PKIA: variants seen among roughly 807,000 people sequenced by gnomAD.
PKIA encodes the protein cAMP-dependent protein kinase inhibitor alpha.
In PKIA, 4 loss-of-function variants were observed where a neutral mutation model predicts 7.6. The ratio of observed to expected loss-of-function variants is 0.52; its 90% CI spans 0.26 to 1.20. PKIA has a LOEUF of 1.20. Among genes scored for constraint, PKIA ranks in the 50% most tolerant of loss-of-function variants. The pLI is 0.13. For synonymous variants in PKIA, 21 were observed against 30.7 expected (o/e 0.68, Z 1.04); for missense variants, 73 against 86.2 (o/e 0.85, Z 0.61).
chr8:78,518,519 A>G (rs1585860662), intron 1 of PKIA, among the ~76,000 whole-genome samples: 1 of 152,234 alleles, frequency 6.6e-6, no homozygotes, highest in Non-Finnish European at 1.5e-5. Flanking sequence ...AACCTAAGGT[A>G]TATGAAATAC....
At position 78,550,133 on chromosome 8, in the gene PKIA, AT is replaced by A. The variant is rs1243569325; in HGVS notation, c.-156-22676del. Among the ~76,000 whole-genome samples, 7 of 152,250 alleles carry A rather than the reference AT, an allele frequency of 4.6e-5. No homozygotes were observed. In the South Asian group the frequency reaches 6.2e-4, roughly 14 times the overall value. Reference sequence around the variant, plus strand: ...CAATAGGGGAGAAAGACTGAACTCAATTCTGCTGAAATAAAAGGGAGGCAAG... The same window carrying A: ...CAATAGGGGAGAAAGACTGAACTCAATCTGCTGAAATAAAAGGGAGGCAAG... On this transcript the variant is annotated intron_variant, in intron 1 of 3. Coordinates refer to ENST00000396418, the MANE Select transcript of PKIA (RefSeq NM_006823.4).
chr8:78,574,303 TATACA>T (rs1807625281), intron 2 of PKIA, among the ~76,000 whole-genome samples: 1 of 152,010 alleles, frequency 6.6e-6, no homozygotes, highest in Non-Finnish European at 1.5e-5. Context: ...TATGTTGAAA[TATACA>T]ATACATTGCT....
intron 1 of PKIA, among the ~76,000 whole-genome samples, chr8:78,519,240 AT>A (rs938296993): frequency 6.6e-6 from 1 of 152,106 alleles, no homozygotes; most frequent in African/African-American, 2.4e-5. Flanking sequence ...GAGAGTAAAA[AT>A]TTAGGAGTTA....
At chr8:78,587,578 A>G (rs534190803) in intron 2 of PKIA, among the ~76,000 whole-genome samples, 1 of 152,322 alleles carries the variant, frequency 6.6e-6, no homozygotes, top group Non-Finnish European at 1.5e-5. Flanking sequence ...AATATTAAAT[A>G]TATGATATAA....
chr8:78,597,179 T>C (rs1158473789), intron 2 of PKIA, among the ~76,000 whole-genome samples: 1 of 152,162 alleles, frequency 6.6e-6, no homozygotes, highest in Non-Finnish European at 1.5e-5. Context: ...TTTTTGGTTC[T>C]TTACGAATTT....
chr8:78,567,133 A>C (rs1467961422), intron 1 of PKIA, among the ~76,000 whole-genome samples: 1 of 152,188 alleles, frequency 6.6e-6, no homozygotes, highest in Non-Finnish European at 1.5e-5. Flanking sequence ...AGTATATTAT[A>C]GAGATTTCTC....
chr8:78,557,798 G>C (rs926643545), intron 1 of PKIA, among the ~76,000 whole-genome samples: 8 of 152,172 alleles, frequency 5.3e-5, no homozygotes, highest in African/African-American at 1.9e-4. Flanking sequence ...ACCTGGCAGA[G>C]ACATAGTTTT....
At chr8:78,574,256 C>G (rs763167073) in intron 2 of PKIA, among the ~76,000 whole-genome samples, 29 of 151,900 alleles carry the variant, frequency 1.9e-4, no homozygotes, top group Non-Finnish European at 3.8e-4. Flanking sequence ...TTTATTATTT[C>G]TTTGTGGGGA....
intron 1 of PKIA, chr8:78,535,813 T>G (rs1425500731): frequency 6.6e-6 from 1 of 152,116 alleles, no homozygotes; most frequent in Non-Finnish European, 1.5e-5. Context: ...TACTTTGAAT[T>G]AGGAATTACA....
chr8:78,583,680 T>C (rs754373472), intron 2 of PKIA, among the ~76,000 whole-genome samples: 30 of 152,076 alleles, frequency 2.0e-4, no homozygotes, highest in Non-Finnish European at 4.1e-4. Flanking sequence ...GAGGAGATTA[T>C]AGTTGGAGAC....
rs1554584766 is a variant in PKIA at position 78,602,713 on chromosome 8, A to ATATATATATATATATATATATATTTTTT, written c.*893_*894insATATATATATATATATATATATTTTTTT. The ATATATATATATATATATATATATTTTTT allele has an allele frequency of 6.8e-6, 1 of 147,894 alleles. No homozygotes were observed. The highest frequency in any genetic ancestry group is 2.5e-5 in the African/African-American group (1 of 39,958). The allele number at this position is 147,894 out of a possible 1,614,324, so 9.2% of individuals were successfully genotyped here. ...CCACATAATATATATATATATATATATTTTAATTTATGAGAATTTTGGACA... is the reference window on the plus strand; with the variant it reads ...CCACATAATATATATATATATATATATATATATATATATATATATATATTTTTTTTTTAATTTATGAGAATTTTGGACA... On this transcript the variant is annotated 3_prime_UTR_variant, in exon 4 of 4. Transcript: ENST00000396418.
intron 1 of PKIA, among the ~76,000 whole-genome samples, chr8:78,549,277 T>C (rs946248277): frequency 7.9e-5 from 12 of 151,928 alleles, no homozygotes; most frequent in Non-Finnish European, 1.8e-4. Flanking sequence ...ACATGATGTA[T>C]ATAATGTAAG....
intron 2 of PKIA, among the ~76,000 whole-genome samples, chr8:78,582,495 T>G (rs1807836881): frequency 6.6e-6 from 1 of 152,036 alleles, no homozygotes; most frequent in Non-Finnish European, 1.5e-5. Flanking sequence ...GTTACCTCCC[T>G]CTGGGTCCCT....
At position 78,590,920 on chromosome 8, in the gene PKIA, C is replaced by T. The variant is rs114601530; in HGVS notation, c.-27-7438C>T. On this transcript the variant is annotated intron_variant, in intron 2 of 3. Transcript: ENST00000396418. ...CAAACACTAAACACACAGTAAACTA[C>T]TCAAGGTCTTTAAACATACTTCCCA... Among the ~76,000 whole-genome samples the T allele has an allele frequency of 4.6e-3, 700 of 152,262 alleles. 4 individuals are homozygous for T. Among genetic ancestry groups the T allele is most frequent in the African/African-American group, 0.016 (672 of 41,560 alleles).
At chr8:78,523,961 AATAT>A (rs1217986707) in intron 1 of PKIA, among the ~76,000 whole-genome samples, 5 of 107,156 alleles carry the variant, frequency 4.7e-5, no homozygotes, top group Non-Finnish European at 9.1e-5. Context: ...TTTATATATA[AATAT>A]ATAAACATTT....
chr8:78,533,505 T>C (rs544741793), intron 1 of PKIA, among the ~76,000 whole-genome samples: 14 of 152,286 alleles, frequency 9.2e-5, no homozygotes, highest in Non-Finnish European at 1.8e-4. Flanking sequence ...CAGAATGGTA[T>C]ACAATCTACA....
At chr8:78,591,095 C>T (rs1381474214) in intron 2 of PKIA, 1 of 152,446 alleles carries the variant, frequency 6.6e-6, no homozygotes, top group South Asian at 2.1e-4. Context: ...GACATTCTCT[C>T]CATTCTTTCC....
chr8:78,518,460 A>G (rs1197495273), intron 1 of PKIA, among the ~76,000 whole-genome samples: 1 of 152,162 alleles, frequency 6.6e-6, no homozygotes, highest in Non-Finnish European at 1.5e-5. Flanking sequence ...ATTATTCTGA[A>G]TAATACTAAT....
At chr8:78,579,504 A>G (rs1195708192) in intron 2 of PKIA, among the ~76,000 whole-genome samples, 4 of 151,912 alleles carry the variant, frequency 2.6e-5, no homozygotes, top group African/African-American at 7.3e-5. Flanking sequence ...TGCACTTGTT[A>G]TTTTCTGAAC....
Sources: allele counts gnomAD v4.1 joint callset (sites outside exome capture counted in the v4.1 genomes callset), GRCh38; gene constraint gnomAD v4.1.1; transcripts MANE v1.5; gene names NCBI Gene and HGNC (gene_info 2026-07-23, HGNC 2026-07-21).